SGCZ: variants seen among roughly 807,000 people sequenced by gnomAD.
SGCZ encodes zeta-sarcoglycan.
Under a neutral mutation model 41.3 loss-of-function variants are expected in SGCZ, and 40 were observed. The observed-to-expected ratio is 0.97, with a 90% CI of 0.75 to 1.26. The LOEUF (loss-of-function observed/expected upper bound fraction) is 1.26, where lower values mean the gene tolerates loss of function less well. Among genes scored for constraint, SGCZ ranks in the 50% most tolerant of loss-of-function variants. The probability of loss-of-function intolerance (pLI) is 0.00; values close to 1 mark genes in which losing one functional copy is unlikely to be tolerated. For synonymous variants in SGCZ, 206 were observed against 137.5 expected (o/e 1.50, Z -3.49); for missense variants, 552 against 369.8 (o/e 1.49, Z -4.04).
intron 1 of SGCZ, among the ~76,000 whole-genome samples, chr8:15,056,062 C>T (rs1804690407): frequency 6.6e-6 from 1 of 152,166 alleles, no homozygotes; most frequent in Admixed American, 6.5e-5. Flanking sequence ...TGCATTTAAG[C>T]AGTTTGCTGT....
intron 1 of SGCZ, among the ~76,000 whole-genome samples, chr8:14,855,155 C>T (rs976405528): frequency 6.6e-6 from 1 of 151,998 alleles, no homozygotes; most frequent in Non-Finnish European, 1.5e-5. Flanking sequence ...TGGGCTCAAG[C>T]GATTCTCATG....
At chr8:14,750,922 C>T (rs763221224) in intron 1 of SGCZ, among the ~76,000 whole-genome samples, 16 of 152,152 alleles carry the variant, frequency 1.1e-4, no homozygotes, top group African/African-American at 2.6e-4. Context: ...TAATTGAAAA[C>T]GGTAGTCAGA....
At chr8:15,180,000 CTGA>C (rs1159004269) in intron 1 of SGCZ, among the ~76,000 whole-genome samples, 3 of 152,114 alleles carry the variant, frequency 2.0e-5, no homozygotes, top group Admixed American at 6.5e-5. Context: ...GTTTAGTAGG[CTGA>C]CTATTATATG....
At position 15,144,439 on chromosome 8, in the gene SGCZ, T is replaced by C. The variant is rs141140891; in HGVS notation, c.39+93146A>G. Among the ~76,000 whole-genome samples, 1,233 of 152,272 alleles carry C rather than the reference T, an allele frequency of 8.1e-3. 23 individuals are homozygous for C. The highest frequency in any genetic ancestry group is 0.028 in the African/African-American group (1,164 of 41,576). The stretch of plus-strand genomic sequence containing the variant: ...TGCAACAGGCTCAGAAGTAGTTCTA[T>C]ACAGTTTGTTGTCTTAGCAGGTTGA... On this transcript the variant is annotated intron_variant, in intron 1 of 7. Transcript: ENST00000382080.
chr8:14,567,547 G>A (rs6980520), intron 1 of SGCZ, among the ~76,000 whole-genome samples: 303 of 152,222 alleles, frequency 2.0e-3, no homozygotes, highest in African/African-American at 5.3e-3. Flanking sequence ...TCTGTAACAT[G>A]GACCAATCAG....
intron 1 of SGCZ, among the ~76,000 whole-genome samples, chr8:14,798,454 C>T (rs1417552259): frequency 6.6e-6 from 1 of 152,042 alleles, no homozygotes; most frequent in East Asian, 1.9e-4. Context: ...GTTATCATTA[C>T]CTAAATGCAA....
intron 1 of SGCZ, among the ~76,000 whole-genome samples, chr8:14,611,570 T>C (rs1162719250): frequency 6.6e-6 from 1 of 152,178 alleles, no homozygotes; most frequent in Non-Finnish European, 1.5e-5. Context: ...AGTGATTTAT[T>C]TTGTCCTTTG....
At chr8:14,883,744 T>C (rs1804680338) in intron 1 of SGCZ, among the ~76,000 whole-genome samples, 1 of 151,612 alleles carries the variant, frequency 6.6e-6, no homozygotes, top group Non-Finnish European at 1.5e-5. Flanking sequence ...TTCAGACATG[T>C]TCCTTATAGC....
intron 5 of SGCZ, among the ~76,000 whole-genome samples, chr8:14,152,336 T>C (rs910716315): frequency 6.6e-6 from 1 of 152,074 alleles, no homozygotes; most frequent in African/African-American, 2.4e-5. Context: ...TAAAAAGGTG[T>C]TCAATGTCAT....
chr8:14,704,340 T>G (rs1469144734), intron 1 of SGCZ, among the ~76,000 whole-genome samples: 1 of 151,896 alleles, frequency 6.6e-6, no homozygotes, highest in African/African-American at 2.4e-5. Context: ...AATGTAATCA[T>G]TTTTTTGAAA....
At chr8:14,903,824 A>G (rs1799043731) in intron 1 of SGCZ, among the ~76,000 whole-genome samples, 1 of 152,056 alleles carries the variant, frequency 6.6e-6, no homozygotes, top group Non-Finnish European at 1.5e-5. Context: ...GAAAGGAGAC[A>G]TATTGCTGAT....
chr8:14,157,595 TA>T (rs935774126), intron 5 of SGCZ, among the ~76,000 whole-genome samples: 62 of 144,570 alleles, frequency 4.3e-4, no homozygotes, highest in African/African-American at 6.8e-4. Flanking sequence ...TGCAGAAAAA[TA>T]AAAAAAAAAC....
chr8:15,099,235 A>G (rs995073209), intron 1 of SGCZ, among the ~76,000 whole-genome samples: 3 of 152,226 alleles, frequency 2.0e-5, no homozygotes, highest in African/African-American at 7.2e-5. Flanking sequence ...ATAATAAGAC[A>G]TTGAACATAA....
intron 4 of SGCZ, among the ~76,000 whole-genome samples, chr8:14,171,135 AAT>A (rs1340529157): frequency 8.6e-6 from 1 of 115,734 alleles, no homozygotes; most frequent in African/African-American, 3.2e-5. Context: ...TTTTATTTCT[AAT>A]ATGTGTTTCA....
At chr8:15,042,954 T>C (rs1371177060) in intron 1 of SGCZ, among the ~76,000 whole-genome samples, 1 of 152,194 alleles carries the variant, frequency 6.6e-6, no homozygotes, top group East Asian at 1.9e-4. Context: ...CATAATGCAG[T>C]CATAAACGGT....
chr8:14,748,585 C>A (rs1278767882), intron 1 of SGCZ, among the ~76,000 whole-genome samples: 1 of 151,892 alleles, frequency 6.6e-6, no homozygotes, highest in African/African-American at 2.4e-5. Context: ...TGTTTCTCTG[C>A]CAGAAAAATA....
intron 1 of SGCZ, among the ~76,000 whole-genome samples, chr8:15,165,347 C>A (rs1268577121): frequency 2.0e-5 from 3 of 151,700 alleles, no homozygotes; most frequent in Non-Finnish European, 4.4e-5. Flanking sequence ...AGCTGTGGAA[C>A]CTTTCAGTTC....
chr8:14,270,111 C>A (rs1369743826), intron 3 of SGCZ, among the ~76,000 whole-genome samples: 2 of 151,990 alleles, frequency 1.3e-5, no homozygotes, highest in Non-Finnish European at 2.9e-5. Flanking sequence ...GCAAGTGGAA[C>A]CCCTGAGGTC....
chr8:15,163,635 G>A (rs1025418687), intron 1 of SGCZ, among the ~76,000 whole-genome samples: 1 of 152,124 alleles, frequency 6.6e-6, no homozygotes, highest in Non-Finnish European at 1.5e-5. Context: ...GTAAATTACT[G>A]CTAAGTTTAA....
Sources: gnomAD v4.1 joint callset for allele counts (sites outside exome capture counted in the v4.1 genomes callset) on GRCh38, gnomAD v4.1.1 for gene constraint, MANE v1.5 for transcripts, NCBI Gene and HGNC (gene_info 2026-07-23, HGNC 2026-07-21) for gene names.